ESRRG: variants seen among roughly 807,000 people sequenced by gnomAD.
The protein encoded by ESRRG is estrogen-related receptor gamma.
Under a neutral mutation model 44.0 loss-of-function variants are expected in ESRRG, and 13 were observed. The ratio of observed to expected loss-of-function variants is 0.30; its 90% CI spans 0.19 to 0.47. The LOEUF is 0.47. Among genes scored for constraint, ESRRG ranks in the 20% least tolerant of loss-of-function variants. The probability of loss-of-function intolerance (pLI) is 1.00; values close to 1 mark genes in which losing one functional copy is unlikely to be tolerated. For synonymous variants in ESRRG, 215 were observed against 214.6 expected (o/e 1.00, Z -0.02); for missense variants, 395 against 580.6 (o/e 0.68, Z 3.29).
At chr1:216,603,097 T>G (rs2059459605) in intron 3 of ESRRG, among the ~76,000 whole-genome samples, 1 of 152,198 alleles carries the variant, frequency 6.6e-6, no homozygotes, top group South Asian at 2.1e-4. Context: ...AATACCACAT[T>G]AATTTTCTTG....
At chr1:217,106,892 C>A (rs2151578159) in intron 1 of ESRRG, among the ~76,000 whole-genome samples, 1 of 152,304 alleles carries the variant, frequency 6.6e-6, no homozygotes, top group Admixed American at 6.5e-5. Context: ...TATACTTTCA[C>A]CAAGCTCTGC....
In ESRRG at chr1:216,651,088, G is replaced by T; in HGVS notation, c.474C>A (p.Gly158=). 2 of 1,581,526 alleles carry T rather than the reference G, an allele frequency of 1.3e-6. No homozygotes were observed. The highest frequency in any genetic ancestry group is 1.7e-6 in the Non-Finnish European group (2 of 1,150,640). The change falls in exon 3 of 7, where the codon GGC becomes GGA. Residue 158 remains glycine, a splice_region_variant and synonymous_variant. Transcript: ENST00000408911. ...TGGCAGGGCAGCTGTATTCTATATTGCCTAAAACACAAGTTTGAAGAAAAG... is the reference window on the plus strand; with the variant it reads ...TGGCAGGGCAGCTGTATTCTATATTTCCTAAAACACAAGTTTGAAGAAAAG... ...CKAFFKRTIQ[G]NIEYSCPATN...
chr1:216,601,201 C>T (rs776131512), intron 3 of ESRRG, among the ~76,000 whole-genome samples: 1 of 152,078 alleles, frequency 6.6e-6, no homozygotes, highest in Non-Finnish European at 1.5e-5. Flanking sequence ...CTGCTCGCTC[C>T]ATGGACAGCT....
At chr1:217,100,573 G>T (rs1196390604) in intron 1 of ESRRG, among the ~76,000 whole-genome samples, 1 of 152,172 alleles carries the variant, frequency 6.6e-6, no homozygotes, top group Non-Finnish European at 1.5e-5. Flanking sequence ...CTGTCACTGG[G>T]TAATTTGTAA....
chr1:216,590,810 A>G (rs1051398246), intron 3 of ESRRG, among the ~76,000 whole-genome samples: 5 of 152,190 alleles, frequency 3.3e-5, no homozygotes, highest in Non-Finnish European at 2.9e-5. Flanking sequence ...TTAGACTCCA[A>G]TTCAATAACT....
chr1:217,064,968 T>C (rs2089371336), intron 1 of ESRRG, among the ~76,000 whole-genome samples: 1 of 152,130 alleles, frequency 6.6e-6, no homozygotes. Flanking sequence ...GAAATTATAG[T>C]CCCTCCTATA....
chr1:216,922,641 G>A (rs542444430), intron 2 of ESRRG, among the ~76,000 whole-genome samples: 10 of 152,232 alleles, frequency 6.6e-5, no homozygotes, highest in African/African-American at 2.4e-4. Flanking sequence ...TTTGGTCCCC[G>A]AGTCCGAAGG....
intron 6 of ESRRG, among the ~76,000 whole-genome samples, chr1:216,518,186 C>A (rs11572823): frequency 2.6e-4 from 40 of 152,176 alleles, no homozygotes; most frequent in African/African-American, 8.2e-4. Context: ...TGAGATTGAT[C>A]GTCACATATG....
intron 1 of ESRRG, among the ~76,000 whole-genome samples, chr1:217,048,425 C>G (rs2085294538): frequency 6.6e-6 from 1 of 152,160 alleles, no homozygotes; most frequent in Non-Finnish European, 1.5e-5. Flanking sequence ...TGAAATAGAA[C>G]AGACATTGAG....
At chr1:216,986,686 G>A (rs1019925319) in intron 1 of ESRRG, among the ~76,000 whole-genome samples, 3 of 151,948 alleles carry the variant, frequency 2.0e-5, no homozygotes, top group Non-Finnish European at 2.9e-5. Context: ...AATATCACAC[G>A]ACTGTACTCC....
chr1:216,902,203 A>C (rs1023934048), intron 2 of ESRRG, among the ~76,000 whole-genome samples: 4 of 152,170 alleles, frequency 2.6e-5, no homozygotes, highest in Non-Finnish European at 5.9e-5. Flanking sequence ...TAAAAATGAG[A>C]ATCGGCTGGG....
intron 3 of ESRRG, among the ~76,000 whole-genome samples, chr1:216,622,609 T>C (rs12123345): frequency 0.19 from 28,770 of 150,832 alleles, 3,460 homozygotes; most frequent in Non-Finnish European, 0.28. Context: ...AAATGAAAAT[T>C]ACACACACGC....
At position 216,746,522 on chromosome 1, in the gene ESRRG, T is replaced by TA. The variant is rs552075239; in HGVS notation, c.-13-69032dup. ...CTAACTTTTAAAAGAATTCTTTGCT[T>TA]AAAGTTCTTAATTTTCGTAGTATTT... On this transcript the variant is annotated intron_variant, in intron 2 of 7. Transcript: ENST00000359162. 2.8e-3 allele frequency among the ~76,000 whole-genome samples: 433 copies of TA among 152,294 alleles called. 1 individual carries two copies. The highest frequency in any genetic ancestry group is 4.5e-3 in the Non-Finnish European group (306 of 68,020).
chr1:216,634,967 T>G (rs1179869785), intron 3 of ESRRG, among the ~76,000 whole-genome samples: 2 of 152,124 alleles, frequency 1.3e-5, no homozygotes, highest in African/African-American at 4.8e-5. Context: ...TTTCCCCTCC[T>G]TTTTCTCTCT....
chr1:217,000,561 T>C (rs548399376), intron 1 of ESRRG: 12 of 152,334 alleles, frequency 7.9e-5, no homozygotes, highest in South Asian at 6.2e-4. Context: ...TTGTAAGGTA[T>C]AGGGAGGTGG....
chr1:216,762,949 G>A (rs1349428712), intron 2 of ESRRG, among the ~76,000 whole-genome samples: 1 of 152,030 alleles, frequency 6.6e-6, no homozygotes, highest in Non-Finnish European at 1.5e-5. Flanking sequence ...TATGAAGCAA[G>A]CATGTAACAA....
At chr1:217,043,341 C>A (rs1029147274) in intron 1 of ESRRG, among the ~76,000 whole-genome samples, 1 of 152,142 alleles carries the variant, frequency 6.6e-6, no homozygotes, top group African/African-American at 2.4e-5. Context: ...AAAGAGGAAG[C>A]TTTTCTCTCC....
intron 5 of ESRRG, among the ~76,000 whole-genome samples, chr1:216,520,518 G>C (rs756326333): frequency 6.6e-6 from 1 of 152,148 alleles, no homozygotes; most frequent in Non-Finnish European, 1.5e-5. Context: ...CTACTTAGGA[G>C]TGAAGATATA....
At chr1:216,750,087 G>C (rs895026295) in intron 2 of ESRRG, among the ~76,000 whole-genome samples, 1 of 151,972 alleles carries the variant, frequency 6.6e-6, no homozygotes, top group Non-Finnish European at 1.5e-5. Flanking sequence ...TCCTTTCTTC[G>C]TTCCTCCCTC....
Sources: gnomAD v4.1 joint callset for allele counts (sites outside exome capture counted in the v4.1 genomes callset) on GRCh38, gnomAD v4.1.1 for gene constraint, MANE v1.5 for transcripts, NCBI Gene and HGNC (gene_info 2026-07-23, HGNC 2026-07-21) for gene names.